Variants in NTAQ1 observed in about 807,000 individuals in gnomAD.
The protein encoded by NTAQ1 is protein N-terminal glutamine amidohydrolase.
In NTAQ1, 21 loss-of-function variants were observed where a neutral mutation model predicts 28.2. That is an observed-to-expected ratio of 0.74 (90% CI 0.53 to 1.07). NTAQ1 has a LOEUF of 1.07. Ranked by LOEUF, NTAQ1 falls within the 50% of genes least tolerant of loss-of-function variation. The pLI, the probability that NTAQ1 is intolerant of heterozygous loss-of-function variation, is 0.00. For synonymous variants in NTAQ1, 105 were observed against 90.0 expected (o/e 1.17, Z -0.94); for missense variants, 264 against 256.6 (o/e 1.03, Z -0.20).
downstream of NTAQ1, among the ~76,000 whole-genome samples, chr8:123,443,315 C>T (rs887113770): frequency 2.6e-5 from 4 of 152,176 alleles, no homozygotes; most frequent in Non-Finnish European, 4.4e-5. Flanking sequence ...CCACCGCACC[C>T]GGCCAAATTT....
chr8:123,422,081 G>T (rs1206874273), intron 1 of NTAQ1, among the ~76,000 whole-genome samples: 1 of 146,146 alleles, frequency 6.8e-6, no homozygotes, highest in Middle Eastern at 3.2e-3. Context: ...CTCCCAAAGT[G>T]CTGAGATTAT....
At chr8:123,454,378 T>TTTTG (rs1456817968) in intron 6 of NTAQ1, among the ~76,000 whole-genome samples, 3 of 148,076 alleles carry the variant, frequency 2.0e-5, no homozygotes. Context: ...TTTTGTTTTG[T>TTTTG]TTTTTTTGAG....
At chr8:123,473,286 A>G (rs1816059540), downstream of NTAQ1, among the ~76,000 whole-genome samples, 1 of 149,878 alleles carries the variant, frequency 6.7e-6, no homozygotes, top group Non-Finnish European at 1.5e-5. Context: ...ATTAATTTGT[A>G]TTCTTGAAAT....
intron 3 of NTAQ1, among the ~76,000 whole-genome samples, chr8:123,433,236 C>T (rs888020502): frequency 1.3e-5 from 2 of 152,182 alleles, no homozygotes; most frequent in Admixed American, 6.5e-5. Flanking sequence ...TGCAGTCCCT[C>T]AGCTGCCTAG....
intron 1 of NTAQ1, among the ~76,000 whole-genome samples, chr8:123,417,565 T>A (rs906863812): frequency 5.3e-5 from 8 of 152,142 alleles, no homozygotes; most frequent in African/African-American, 1.9e-4. Flanking sequence ...AGTGCACCCC[T>A]GTCCTAGGCC....
Position 123,440,502 on chromosome 8 carries a change from CTTTTT to C in NTAQ1, c.509-792_509-788del, listed in dbSNP as rs554416057. Among the ~76,000 whole-genome samples the C allele has an allele frequency of 2.9e-4, 36 of 123,892 alleles. No homozygotes were observed. In the East Asian group the frequency reaches 6.0e-3, roughly 21 times the overall value. The allele number at this position is 123,892 out of a possible 152,430, so 81.3% of individuals were successfully genotyped here. On this transcript the variant is annotated intron_variant, in intron 5 of 5. Coordinates refer to ENST00000287387, the MANE Select transcript of NTAQ1 (RefSeq NM_018024.3). Reference sequence around the variant, plus strand: ...AGGTTGAGAGTAGCGTTCCTTTCTTCTTTTTTTTTTTTTTTTAGACAAAGCCTTGC... The same window carrying C: ...AGGTTGAGAGTAGCGTTCCTTTCTTCTTTTTTTTTTTAGACAAAGCCTTGC...
intron 1 of NTAQ1, among the ~76,000 whole-genome samples, chr8:123,427,720 T>A (rs556927922): frequency 1.2e-4 from 18 of 152,308 alleles, no homozygotes; most frequent in Admixed American, 1.1e-3. Flanking sequence ...ATTAGCTCTG[T>A]GTGGAGAGGG....
downstream of NTAQ1, among the ~76,000 whole-genome samples, chr8:123,443,300 A>G (rs113814564): frequency 3.7e-4 from 56 of 152,266 alleles, no homozygotes; most frequent in African/African-American, 1.3e-3. Flanking sequence ...GATTACAGGC[A>G]TGAGCCACCG....
At chr8:123,468,627 T>C (rs1816008626) in exon 7 of NTAQ1, among the ~76,000 whole-genome samples, 2 of 152,232 alleles carry the variant, frequency 1.3e-5, no homozygotes, top group Middle Eastern at 3.2e-3. Context: ...TTAGGTTCCA[T>C]CCACCTCTTG....
chr8:123,418,247 CTG>C (rs914768155), intron 1 of NTAQ1, among the ~76,000 whole-genome samples: 22 of 152,036 alleles, frequency 1.4e-4, no homozygotes, highest in Non-Finnish European at 3.1e-4. Context: ...GGCCAGGAGT[CTG>C]AGACCAGCCT....
downstream of NTAQ1, among the ~76,000 whole-genome samples, chr8:123,451,028 T>G (rs890218711): frequency 3.3e-5 from 5 of 152,230 alleles, no homozygotes; most frequent in East Asian, 9.6e-4. Flanking sequence ...CTCTGTGATT[T>G]CAGCTCTGCT....
intron 6 of NTAQ1, among the ~76,000 whole-genome samples, chr8:123,466,756 C>G (rs868509406): frequency 1.3e-5 from 2 of 152,122 alleles, no homozygotes; most frequent in African/African-American, 2.4e-5. Flanking sequence ...GATTGCTGGT[C>G]ATATAATTGC....
Position 123,427,934 on chromosome 8 carries a change from A to G in NTAQ1, c.94A>G (p.Ile32Val), listed in dbSNP as rs6999234. The change falls in exon 2 of 6, where the codon ATT (isoleucine) becomes GTT (valine). Residue 32 changes from isoleucine (I) to valine (V), a missense_variant. Coordinates refer to ENST00000287387, the MANE Select transcript of NTAQ1 (RefSeq NM_018024.3). The part of the protein sequence containing the change: ...VYSSCYCEEN[I>V]WKLCEYIKNH... ...ATTATTTTATTTCAGTGAAGAAAAT[A>G]TTTGGAAGCTCTGTGAATACATCAA... 570,575 of 1,595,182 alleles carry G rather than the reference A, an allele frequency of 0.36. 104,264 individuals are homozygous for G. The highest frequency in any genetic ancestry group is 0.57 in the East Asian group (25,618 of 44,700).
chr8:123,457,895 G>A (rs1323798063), intron 6 of NTAQ1, among the ~76,000 whole-genome samples: 1 of 151,922 alleles, frequency 6.6e-6, no homozygotes, highest in Non-Finnish European at 1.5e-5. Context: ...TTAGCTGGGC[G>A]TGGTGTCATG....
At chr8:123,417,009 C>G in intron 1 of NTAQ1, 77 bp downstream of exon 1, 1 of 1,341,326 alleles carries the variant, frequency 7.5e-7, no homozygotes, top group African/African-American at 1.5e-5. Flanking sequence ...CGCCTCTTCC[C>G]GGCCCCTCCT....
At chr8:123,444,057 T>G (rs1201864085), downstream of NTAQ1, among the ~76,000 whole-genome samples, 1 of 149,802 alleles carries the variant, frequency 6.7e-6, no homozygotes, top group Admixed American at 6.7e-5. Context: ...AACTTTTTCT[T>G]TTTTTTTTTT....
intron 3 of NTAQ1, among the ~76,000 whole-genome samples, chr8:123,433,507 G>C (rs1252029352): frequency 6.6e-6 from 1 of 152,102 alleles, no homozygotes; most frequent in Non-Finnish European, 1.5e-5. Flanking sequence ...GAGTGCAGTG[G>C]CATGATCTTA....
intron 6 of NTAQ1, among the ~76,000 whole-genome samples, chr8:123,457,958 C>T (rs1452902788): frequency 6.8e-6 from 1 of 147,256 alleles, no homozygotes; most frequent in Non-Finnish European, 1.5e-5. Context: ...CGCTTGAACC[C>T]GGGAGGTGGA....
At chr8:123,456,236 G>C (rs1380376280) in intron 6 of NTAQ1, among the ~76,000 whole-genome samples, 2 of 152,150 alleles carry the variant, frequency 1.3e-5, no homozygotes, top group East Asian at 3.9e-4. Context: ...CATCCAGCTT[G>C]TTCCTTATGC....
Sources: allele counts gnomAD v4.1 joint callset (sites outside exome capture counted in the v4.1 genomes callset), GRCh38; gene constraint gnomAD v4.1.1; transcripts MANE v1.5; gene names NCBI Gene and HGNC (gene_info 2026-07-23, HGNC 2026-07-21).